NMNAT3: variants seen among roughly 807,000 people sequenced by gnomAD.
NMNAT3 encodes the protein nicotinamide/nicotinic acid mononucleotide adenylyltransferase 3.
Under a neutral mutation model 24.8 loss-of-function variants are expected in NMNAT3, and 21 were observed. The observed-to-expected ratio is 0.85, with a 90% CI of 0.60 to 1.22. NMNAT3 has a LOEUF of 1.22. Ranked by LOEUF, NMNAT3 falls within the 50% of genes most tolerant of loss-of-function variation. The pLI, the probability that NMNAT3 is intolerant of heterozygous loss-of-function variation, is 0.00. For missense variants in NMNAT3, 387 were observed against 436.6 expected (o/e 0.89, Z 1.01); for synonymous variants, 136 against 155.2 (o/e 0.88, Z 0.92).
At chr3:139,576,710 C>G (rs1322314438) in intron 5 of NMNAT3, among the ~76,000 whole-genome samples, 2 of 152,062 alleles carry the variant, frequency 1.3e-5, no homozygotes, top group African/African-American at 4.8e-5. Flanking sequence ...CTGGGTGATT[C>G]CCGTGTGCAA....
intron 3 of NMNAT3, among the ~76,000 whole-genome samples, chr3:139,613,035 AAGAAAACCTAGGCAATACCATAC>A (rs1369727690): frequency 6.6e-6 from 1 of 152,224 alleles, no homozygotes; most frequent in Non-Finnish European, 1.5e-5. Flanking sequence ...AAAACCCTAG[AAGAAAACCTAGGCAATACCATAC>A]AGGACATAGG....
chr3:139,600,354 A>G (rs1244372163), intron 3 of NMNAT3, among the ~76,000 whole-genome samples: 1 of 148,256 alleles, frequency 6.7e-6, no homozygotes, highest in Non-Finnish European at 1.5e-5. Flanking sequence ...AGCACTGGCT[A>G]GAGTGCAATG....
intron 2 of NMNAT3, among the ~76,000 whole-genome samples, chr3:139,628,574 A>G (rs2056156724): frequency 6.6e-6 from 1 of 152,152 alleles, no homozygotes; most frequent in South Asian, 2.1e-4. Flanking sequence ...CTGGGGCCCA[A>G]GCATTTTGAG....
intron 6 of NMNAT3, chr3:139,567,037 A>C (rs1211395824): frequency 2.0e-5 from 3 of 151,202 alleles, no homozygotes; most frequent in African/African-American, 2.4e-5. Flanking sequence ...CTTTTATTTC[A>C]TTGAGCAGTG....
At chr3:139,596,832 G>T (rs1241567446) in intron 3 of NMNAT3, among the ~76,000 whole-genome samples, 6 of 148,430 alleles carry the variant, frequency 4.0e-5, no homozygotes, top group Non-Finnish European at 5.9e-5. Context: ...CATGTATATG[G>T]TTCAGGTTAG....
chr3:139,576,500 T>C (rs1477438543), intron 5 of NMNAT3, among the ~76,000 whole-genome samples: 1 of 149,912 alleles, frequency 6.7e-6, no homozygotes, highest in Non-Finnish European at 1.5e-5. Flanking sequence ...GAGGTGAGCA[T>C]TTAAAAAAGC....
At chr3:139,665,461 C>T (rs528391364) in intron 1 of NMNAT3, among the ~76,000 whole-genome samples, 1 of 152,072 alleles carries the variant, frequency 6.6e-6, no homozygotes, top group African/African-American at 2.4e-5. Flanking sequence ...TCCATAATCT[C>T]TAGGAGCCAT....
intron 3 of NMNAT3, 129 bp downstream of exon 4, chr3:139,627,487 A>C: frequency 1.7e-6 from 1 of 574,648 alleles, no homozygotes; most frequent in Non-Finnish European, 3.1e-6. Context: ...ATATGATGAA[A>C]AAAATATGCC....
intron 1 of NMNAT3, among the ~76,000 whole-genome samples, chr3:139,650,401 C>T (rs980000937): frequency 6.6e-6 from 1 of 152,194 alleles, no homozygotes; most frequent in African/African-American, 2.4e-5. Flanking sequence ...AAGGCTTATG[C>T]TTAACCAAAA....
chr3:139,579,044 C>G lies in NMNAT3; in HGVS notation c.403G>C (p.Val135Leu). The G allele has an allele frequency of 6.2e-7, 1 of 1,613,518 alleles. No individual in the cohort carries two copies. Among genetic ancestry groups the G allele is most frequent in the Non-Finnish European group, 8.5e-7 (1 of 1,179,746 alleles). The change falls in exon 5 of 7, where the codon GTC (valine) becomes CTC (leucine). Residue 135 changes from valine (V) to leucine (L), a missense_variant. By Grantham distance (32) the Val-to-Leu change is conservative. Transcript: ENST00000643695. ...ACAGGAGAGATGATACCCTGGATGA[C>G]CTGGTACATTCCTAGGTAAGAGAGA...
chr3:139,649,334 C>CAAACAAAT, intron 1 of NMNAT3, among the ~76,000 whole-genome samples: 1 of 151,644 alleles, frequency 6.6e-6, no homozygotes, highest in East Asian at 1.9e-4. Flanking sequence ...AACAAACAAA[C>CAAACAAAT]AAACAAACAA....
intron 1 of NMNAT3, among the ~76,000 whole-genome samples, chr3:139,675,583 C>T (rs780221279): frequency 6.6e-6 from 1 of 152,192 alleles, no homozygotes; most frequent in African/African-American, 2.4e-5. Context: ...CTGCCAGGCT[C>T]TTGCTTTATG....
intron 6 of NMNAT3, chr3:139,572,108 T>A: frequency 2.5e-6 from 1 of 398,966 alleles, no homozygotes; most frequent in South Asian, 1.3e-4. Context: ...TGGACTCACC[T>A]CCATTCATAC....
At chr3:139,610,817 T>A (rs1007393960) in intron 3 of NMNAT3, among the ~76,000 whole-genome samples, 19 of 152,230 alleles carry the variant, frequency 1.2e-4, no homozygotes, top group Non-Finnish European at 2.1e-4. Flanking sequence ...CCATATTCAC[T>A]GTGCAATAGA....
At chr3:139,669,411 G>T (rs1193292994) in intron 1 of NMNAT3, among the ~76,000 whole-genome samples, 1 of 144,670 alleles carries the variant, frequency 6.9e-6, no homozygotes, top group Non-Finnish European at 1.5e-5. Flanking sequence ...GGAGGCGGAG[G>T]TTGAAGTGAG....
chr3:139,603,598 C>T (rs755731937), intron 3 of NMNAT3, among the ~76,000 whole-genome samples: 6 of 150,678 alleles, frequency 4.0e-5, no homozygotes, highest in Admixed American at 3.3e-4. Flanking sequence ...ACATTAATAG[C>T]ACCACTACCA....
chr3:139,577,130 A>T (rs1939438493), intron 5 of NMNAT3, among the ~76,000 whole-genome samples: 1 of 151,978 alleles, frequency 6.6e-6, no homozygotes, highest in Admixed American at 6.6e-5. Context: ...TATCTCAAAA[A>T]AAAAAAATTA....
chr3:139,622,294 A>G (rs962141057), intron 3 of NMNAT3, among the ~76,000 whole-genome samples: 7 of 152,010 alleles, frequency 4.6e-5, no homozygotes, highest in African/African-American at 1.7e-4. Flanking sequence ...GTAAGATGAT[A>G]TTTCTTGTTG....
chr3:139,567,890 T>G (rs1576504277), intron 6 of NMNAT3: 1 of 152,256 alleles, frequency 6.6e-6, no homozygotes, highest in African/African-American at 2.4e-5. Context: ...CTTTTTCTAT[T>G]GATTGCAATA....
Sources: allele counts gnomAD v4.1 joint callset (sites outside exome capture counted in the v4.1 genomes callset), GRCh38; gene constraint gnomAD v4.1.1; transcripts MANE v1.5; gene names NCBI Gene and HGNC (gene_info 2026-07-23, HGNC 2026-07-21).